The following DNM1L variants were observed in gnomAD, a reference collection of about 807,000 sequenced individuals.
DNM1L encodes the protein dynamin-1-like protein.
DNM1L carries 33 observed loss-of-function variants against 92.8 expected under a neutral mutation model. That is an observed-to-expected ratio of 0.36 (90% CI 0.27 to 0.48). The LOEUF (loss-of-function observed/expected upper bound fraction) is 0.48. DNM1L is among the 20% of genes least tolerant of loss of function. DNM1L has a pLI of 0.99. For missense variants in DNM1L, 485 were observed against 888.8 expected, an observed-to-expected ratio of 0.55 and a Z score of 5.78; for synonymous variants, 284 against 305.0, an observed-to-expected ratio of 0.93 and a Z score of 0.72.
rs71447614 is a variant in DNM1L at position 32,686,937 on chromosome 12, CTTTTTT to C, written c.102+7486_102+7491del. Among the ~76,000 whole-genome samples the C allele has an allele frequency of 1.0e-4, 10 of 95,624 alleles. No homozygotes were observed. In the South Asian group the frequency reaches 3.0e-3, roughly 29 times the overall value. The allele number at this position is 95,624 out of a possible 152,430, so 62.7% of individuals were successfully genotyped here. A position where few individuals can be genotyped will look rare whatever the true frequency, so the allele number is the denominator to read the frequency against. ...TGAGGTTGTAAGAGTTCTTTTTTTT[CTTTTTT>C]TTTTTTTTTTTTTGAGATGGAGTCT... On this transcript the variant is annotated intron_variant, in intron 1 of 19. Coordinates refer to ENST00000549701, the MANE Select transcript of DNM1L (RefSeq NM_012062.5).
chr12:32,739,075 A>G (rs2137579518), intron 16 of DNM1L, among the ~76,000 whole-genome samples: 1 of 152,322 alleles, frequency 6.6e-6, no homozygotes. Flanking sequence ...TAAAAATCTA[A>G]TTACTCATTT....
At chr12:32,734,935 C>T (rs1954772277) in intron 13 of DNM1L, among the ~76,000 whole-genome samples, 1 of 152,192 alleles carries the variant, frequency 6.6e-6, no homozygotes, top group African/African-American at 2.4e-5. Context: ...TTTTTGGTTA[C>T]ATAGCTGGGG....
At chr12:32,690,129 G>A (rs1392837867) in intron 1 of DNM1L, among the ~76,000 whole-genome samples, 4 of 152,156 alleles carry the variant, frequency 2.6e-5, no homozygotes, top group African/African-American at 9.7e-5. Flanking sequence ...TCACCAGGTG[G>A]GGGAAAAAGC....
chr12:32,717,854 ATATAC>A (rs1953559912), intron 6 of DNM1L, among the ~76,000 whole-genome samples: 1 of 83,690 alleles, frequency 1.2e-5, no homozygotes, highest in Admixed American at 1.5e-4. Context: ...TATTTTATAA[ATATAC>A]TATATATAGT....
At chr12:32,679,903 C>A (rs929883471) in intron 1 of DNM1L, 16 of 987,238 alleles carry the variant, frequency 1.6e-5, no homozygotes, top group Admixed American at 1.2e-4. Context: ...TTTCGTGAGA[C>A]GGGTGTTTTA....
chr12:32,733,081 T>C (rs10844329), intron 12 of DNM1L, among the ~76,000 whole-genome samples: 23,420 of 152,202 alleles, frequency 0.15, 1,898 homozygotes, highest in Middle Eastern at 0.21. Context: ...GCCTGGGCAA[T>C]GAGAGCGAAA....
At chr12:32,736,313 C>T (rs553125693) in intron 13 of DNM1L, among the ~76,000 whole-genome samples, 2 of 152,204 alleles carry the variant, frequency 1.3e-5, no homozygotes, top group South Asian at 2.1e-4. Flanking sequence ...AAGTGATCTG[C>T]CCACCTTGGC....
chr12:32,683,157 T>G (rs1951870369), intron 1 of DNM1L, among the ~76,000 whole-genome samples: 1 of 152,238 alleles, frequency 6.6e-6, no homozygotes, highest in Non-Finnish European at 1.5e-5. Context: ...ACACTTTTCC[T>G]TTTATTTCAG....
chr12:32,738,376 C>T (rs932322524), intron 16 of DNM1L, 80 bp downstream of exon 16: 30 of 1,484,200 alleles, frequency 2.0e-5, no homozygotes, highest in Middle Eastern at 1.7e-4. Context: ...ATTAAAGAAC[C>T]TGTTTGTGTA....
At chr12:32,708,841 C>G (rs977585332) in intron 4 of DNM1L, among the ~76,000 whole-genome samples, 2 of 152,008 alleles carry the variant, frequency 1.3e-5, no homozygotes, top group Non-Finnish European at 2.9e-5. Flanking sequence ...CTGCTGTCTT[C>G]TGTCTTCTTT....
In DNM1L at chr12:32,744,847, T is replaced by A. The variant is rs1474632683; in HGVS notation, c.*1437T>A. 2.0e-6 allele frequency: 1 copy of A among 491,894 alleles called. No homozygotes were observed. The highest frequency in any genetic ancestry group is 5.7e-5 in the East Asian group (1 of 17,580). 30.5% of individuals were successfully genotyped at this position (491,894 alleles called of 1,614,324 possible). On this transcript the variant is annotated 3_prime_UTR_variant, in exon 20 of 20. Coordinates refer to ENST00000549701, the MANE Select transcript of DNM1L (RefSeq NM_012062.5). ...TTGTTAAAATTCCCCAGATGATTCT[T>A]GGTATGAACGACTATATTATAAATT...
At chr12:32,680,044 G>A (rs1565964710) in intron 1 of DNM1L, 1 of 975,378 alleles carries the variant, frequency 1.0e-6, no homozygotes. Context: ...CGAGAACGCC[G>A]AAGCAGCATT....
chr12:32,697,210 T>C (rs1326741107), intron 1 of DNM1L, among the ~76,000 whole-genome samples: 1 of 151,930 alleles, frequency 6.6e-6, no homozygotes, highest in Non-Finnish European at 1.5e-5. Flanking sequence ...GCCTAGGTGA[T>C]AGAGCGAGAC....
Position 32,731,100 on chromosome 12 carries a change from C to G in DNM1L, c.1166C>G (p.Thr389Ser). 6.2e-7 allele frequency: 1 copy of G among 1,613,974 alleles called. No individual in the cohort carries two copies. Among genetic ancestry groups the G allele is most frequent in the Non-Finnish European group, 8.5e-7 (1 of 1,179,988 alleles). ...GTTGATCCACTTGGTGGCCTTAACA[C>G]TATTGACATTTTGACTGCCATTAGA... ...ESVDPLGGLN[T>S]IDILTAIRNA... The change falls in exon 10 of 20, where the codon ACT becomes AGT. Residue 389 changes from threonine to serine, a missense_variant. Around this residue, in one of 11 missense-constraint regions of DNM1L, gnomAD observed 19 missense variants for 22.1 expected, o/e 0.86. Transcript: ENST00000549701. This position sits in a 1 kb window ranked among gnomAD's most constrained non-coding sequence, Gnocchi z 5.1.
intron 2 of DNM1L, among the ~76,000 whole-genome samples, chr12:32,702,429 T>G (rs897806519): frequency 6.6e-6 from 1 of 152,118 alleles, no homozygotes; most frequent in African/African-American, 2.4e-5. Flanking sequence ...GTATTTAATC[T>G]TCCTATTTAG....
rs1046088244 is a variant in DNM1L at position 32,682,278 on chromosome 12, A to G, written c.102+2813A>G. Among the ~76,000 whole-genome samples the G allele has an allele frequency of 2.0e-5, 3 of 152,086 alleles. No homozygotes were observed. The East Asian group carries it at 5.8e-4, about 29-fold the overall frequency. On this transcript the variant is annotated intron_variant, in intron 1 of 19. Transcript: ENST00000549701. Reference sequence around the variant, plus strand: ...CTCCCACATAGCTGGGATTACAGGCATGCACCACCACGCCCGGCTAATTTT... The same window carrying G: ...CTCCCACATAGCTGGGATTACAGGCGTGCACCACCACGCCCGGCTAATTTT...
chr12:32,737,597 T>C (rs1954981550), intron 14 of DNM1L: 1 of 456,420 alleles, frequency 2.2e-6, no homozygotes, highest in African/African-American at 2.0e-5. Flanking sequence ...CTTGAATTCT[T>C]TGCCAGAAAA....
At chr12:32,736,461 T>C (rs1954886997) in intron 13 of DNM1L, among the ~76,000 whole-genome samples, 1 of 152,218 alleles carries the variant, frequency 6.6e-6, no homozygotes, top group South Asian at 2.1e-4. Flanking sequence ...TTTAGCTTTG[T>C]ACAAGTTACT....
chr12:32,721,796 A>G (rs1953823441), intron 8 of DNM1L, among the ~76,000 whole-genome samples: 1 of 152,210 alleles, frequency 6.6e-6, no homozygotes, highest in Non-Finnish European at 1.5e-5. Context: ...TCTGACTGAC[A>G]GGCTATAAGT....
Sources: gnomAD v4.1 joint callset for allele counts (sites outside exome capture counted in the v4.1 genomes callset) on GRCh38, gnomAD v4.1.1 for gene constraint, gnomAD v4.1.1 regional missense constraint, Gnocchi (gnomAD v3.1) non-coding constraint, MANE v1.5 for transcripts, NCBI Gene and HGNC (gene_info 2026-07-23, HGNC 2026-07-21) for gene names.